The following RNGTT variants were observed in gnomAD, a reference collection of about 807,000 sequenced individuals.
The protein encoded by RNGTT is RNA guanylyltransferase and 5'-phosphatase, also known as mRNA-capping enzyme.
In RNGTT, 33 loss-of-function variants were observed where a neutral mutation model predicts 79.3. The ratio of observed to expected loss-of-function variants is 0.42; its 90% CI spans 0.32 to 0.56. RNGTT has a LOEUF of 0.56. RNGTT is among the 20% of genes least tolerant of loss of function. The pLI is 0.17. For missense variants in RNGTT, 497 were observed against 739.1 expected, an observed-to-expected ratio of 0.67 and a Z score of 3.80; for synonymous variants, 222 against 235.9, an observed-to-expected ratio of 0.94 and a Z score of 0.54.
At chr6:88,842,856 G>C (rs1016346932) in intron 11 of RNGTT, among the ~76,000 whole-genome samples, 1 of 152,058 alleles carries the variant, frequency 6.6e-6, no homozygotes, top group African/African-American at 2.4e-5. Flanking sequence ...CTGATCACTT[G>C]AGCCCAGGAG....
At chr6:88,641,733 G>C (rs1451996680) in intron 14 of RNGTT, among the ~76,000 whole-genome samples, 1 of 152,194 alleles carries the variant, frequency 6.6e-6, no homozygotes, top group East Asian at 1.9e-4. Flanking sequence ...GTGAAGAAAG[G>C]GAGATTTTTG....
chr6:88,709,736 C>T (rs1217076393), intron 13 of RNGTT, among the ~76,000 whole-genome samples: 2 of 152,198 alleles, frequency 1.3e-5, no homozygotes, highest in African/African-American at 4.8e-5. Flanking sequence ...GCTTACAGCA[C>T]ATCTCACTAC....
chr6:88,896,929 G>C (rs1355605911), intron 6 of RNGTT, among the ~76,000 whole-genome samples: 7 of 151,996 alleles, frequency 4.6e-5, no homozygotes, highest in African/African-American at 1.7e-4. Context: ...CCTCATCTTT[G>C]TCCAACTGGA....
Position 88,904,755 on chromosome 6 carries a change from C to G in RNGTT, c.644G>C (p.Ser215Thr). The G allele has an allele frequency of 6.2e-7, 1 of 1,613,970 alleles. No individual in the cohort carries two copies. The highest frequency in any genetic ancestry group is 2.2e-5 in the East Asian group (1 of 44,868). Residue 215 changes from serine to threonine, a missense_variant, in exon 6 of 16, where the codon AGT (serine) becomes ACT (threonine). Ser to Thr is a moderately conservative substitution (Grantham distance 58). This residue lies in a region of RNGTT where 440 missense variants were observed against 671.5 expected (regional missense o/e 0.66). Transcript: ENST00000369485. ...DGKKESEPGS[S>T]ASFGKRRKER... ...TTTTCTCCTTTTGCCAAAAGAAGCA[C>G]TTGACCCGGGTTCTGATTCCTTCTT...
intron 6 of RNGTT, among the ~76,000 whole-genome samples, chr6:88,899,204 T>A (rs1441339222): frequency 6.6e-6 from 1 of 151,682 alleles, no homozygotes; most frequent in African/African-American, 2.4e-5. Flanking sequence ...TTCTCAAAAA[T>A]CACCAACTCA....
chr6:88,679,435 C>T (rs1775005129), intron 13 of RNGTT, among the ~76,000 whole-genome samples: 1 of 152,110 alleles, frequency 6.6e-6, no homozygotes, highest in African/African-American at 2.4e-5. Context: ...GAGATGAGAA[C>T]TCGAAGTTTC....
intron 14 of RNGTT, among the ~76,000 whole-genome samples, chr6:88,647,834 C>A (rs1309337480): frequency 6.6e-6 from 1 of 151,532 alleles, no homozygotes; most frequent in Non-Finnish European, 1.5e-5. Context: ...GAATCAAATC[C>A]TCTTATGAAA....
At chr6:88,862,246 T>C (rs1162669096) in intron 8 of RNGTT, among the ~76,000 whole-genome samples, 1 of 151,832 alleles carries the variant, frequency 6.6e-6, no homozygotes, top group Non-Finnish European at 1.5e-5. Context: ...AAGATTAGAG[T>C]GTTGGGACTT....
rs947633541 is a variant in RNGTT at position 88,670,171 on chromosome 6, G to A, written c.1506+8182C>T. Among the ~76,000 whole-genome samples, 6 of 152,158 alleles carry A rather than the reference G, an allele frequency of 3.9e-5. No homozygotes were observed. In the South Asian group the frequency reaches 6.2e-4, roughly 16 times the overall value. ...CCAAGGCCAAGTAGTCGAAAACATC[G>A]TCAGAGACATGACAAAGCTAGCACA... is the stretch of plus-strand genomic sequence containing the variant. On this transcript the variant is annotated intron_variant, in intron 14 of 15. Transcript: ENST00000369485.
intron 13 of RNGTT, among the ~76,000 whole-genome samples, chr6:88,692,707 A>C (rs1248288985): frequency 2.0e-5 from 3 of 152,148 alleles, no homozygotes; most frequent in African/African-American, 7.2e-5. Flanking sequence ...TTATCATCTT[A>C]TCCTGGGAAC....
chr6:88,633,303 A>G (rs537741719), intron 14 of RNGTT, among the ~76,000 whole-genome samples: 1 of 152,284 alleles, frequency 6.6e-6, no homozygotes, highest in Non-Finnish European at 1.5e-5. Flanking sequence ...CAAAGGAATT[A>G]TAGAAATGAC....
intron 6 of RNGTT, among the ~76,000 whole-genome samples, chr6:88,895,229 CTGTGTGTGTGTGTG>C (rs5878081): frequency 3.7e-4 from 54 of 145,202 alleles, no homozygotes; most frequent in East Asian, 1.2e-3. Flanking sequence ...AGAGAGAGCT[CTGTGTGTGTGTGTG>C]TGTGTGTGTG....
At chr6:88,700,549 A>G (rs944228605) in intron 13 of RNGTT, among the ~76,000 whole-genome samples, 3 of 152,104 alleles carry the variant, frequency 2.0e-5, no homozygotes, top group Non-Finnish European at 4.4e-5. Flanking sequence ...GGGCAGTTAC[A>G]AGGTCAGGAA....
intron 12 of RNGTT, among the ~76,000 whole-genome samples, chr6:88,789,345 A>G (rs949988179): frequency 6.6e-6 from 1 of 152,198 alleles, no homozygotes; most frequent in African/African-American, 2.4e-5. Flanking sequence ...GTGGATAACG[A>G]GGTCAGGAGA....
chr6:88,931,511 G>C (rs148198008), intron 2 of RNGTT, among the ~76,000 whole-genome samples: 1 of 152,098 alleles, frequency 6.6e-6, no homozygotes, highest in South Asian at 2.1e-4. Flanking sequence ...GTAAGTGAAC[G>C]TATTGTCTAT....
chr6:88,662,033 A>C (rs758558832), intron 14 of RNGTT, among the ~76,000 whole-genome samples: 7 of 152,252 alleles, frequency 4.6e-5, no homozygotes, highest in Non-Finnish European at 1.0e-4. Flanking sequence ...AATAAATGTG[A>C]TACACCACAT....
At chr6:88,905,633 G>A (rs933068885) in intron 5 of RNGTT, among the ~76,000 whole-genome samples, 1 of 152,116 alleles carries the variant, frequency 6.6e-6, no homozygotes, top group African/African-American at 2.4e-5. Flanking sequence ...TACTAAAGTC[G>A]TAATCTCTCA....
At chr6:88,678,853 T>C (rs1774982852) in intron 13 of RNGTT, among the ~76,000 whole-genome samples, 1 of 152,132 alleles carries the variant, frequency 6.6e-6, no homozygotes, top group Admixed American at 6.6e-5. Flanking sequence ...CTCTAATATA[T>C]TAGTAATTCT....
At chr6:88,898,321 T>C (rs1445847246) in intron 6 of RNGTT, among the ~76,000 whole-genome samples, 1 of 152,222 alleles carries the variant, frequency 6.6e-6, no homozygotes, top group African/African-American at 2.4e-5. Flanking sequence ...TTTAAGTTAA[T>C]TCTAAACTAT....
Sources: allele counts gnomAD v4.1 joint callset (sites outside exome capture counted in the v4.1 genomes callset), GRCh38; gene constraint gnomAD v4.1.1; regional missense constraint gnomAD v4.1.1; transcripts MANE v1.5; gene names NCBI Gene and HGNC (gene_info 2026-07-23, HGNC 2026-07-21).